Variants in PPP1R14C observed in about 807,000 individuals in gnomAD.
PPP1R14C encodes the protein protein phosphatase 1 regulatory inhibitor subunit 14C.
A neutral mutation model predicts 20.4 loss-of-function variants in PPP1R14C; 16 were observed. The ratio of observed to expected loss-of-function variants is 0.78; its 90% CI spans 0.53 to 1.19. The LOEUF (loss-of-function observed/expected upper bound fraction) is 1.19. PPP1R14C is among the 50% of genes most tolerant of loss of function. PPP1R14C has a pLI of 0.00. For synonymous variants in PPP1R14C, 91 were observed against 91.0 expected, an observed-to-expected ratio of 1.00 and a Z score of 0.00; for missense variants, 211 against 220.1, an observed-to-expected ratio of 0.96 and a Z score of 0.26.
chr6:150,166,571 C>T (rs1348981670), intron 1 of PPP1R14C, among the ~76,000 whole-genome samples: 2 of 152,190 alleles, frequency 1.3e-5, no homozygotes, highest in Non-Finnish European at 2.9e-5. Flanking sequence ...GGGCCAGCTC[C>T]AGGCGGTAGC....
chr6:150,220,356 C>T (rs921827649), intron 3 of PPP1R14C, among the ~76,000 whole-genome samples: 1 of 152,160 alleles, frequency 6.6e-6, no homozygotes, highest in Non-Finnish European at 1.5e-5. Context: ...TTTAGGCTTT[C>T]TGGAAGCAGA....
chr6:150,143,644 T>TC lies in PPP1R14C; in HGVS notation c.306+151dup, dbSNP rs981310452. The TC allele has an allele frequency of 1.6e-6, 1 of 627,406 alleles. No individual in the cohort carries two copies. Among genetic ancestry groups the TC allele is most frequent in the African/African-American group, 2.0e-5 (1 of 50,894 alleles). The allele number at this position is 627,406 out of a possible 1,614,324, so 38.9% of individuals were successfully genotyped here. Reference sequence around the variant, plus strand: ...CAGGAGCGAGGCGCGGCGCCTTCTCTCCCCCGCGGTGCCCTCTGGCGTCGG... The same window carrying TC: ...CAGGAGCGAGGCGCGGCGCCTTCTCTCCCCCCGCGGTGCCCTCTGGCGTCGG... On this transcript the variant is annotated intron_variant, in intron 1 of 3. Transcript: ENST00000361131. The surrounding 1 kb of genome is among the most constrained non-coding windows in gnomAD (Gnocchi z 5.6).
chr6:150,166,782 T>G (rs914183954), intron 1 of PPP1R14C, among the ~76,000 whole-genome samples: 3 of 152,218 alleles, frequency 2.0e-5, no homozygotes, highest in African/African-American at 7.2e-5. Flanking sequence ...GTGATGGGAC[T>G]GTGATTCTCG....
chr6:150,222,282 A>G (rs1418548871), intron 3 of PPP1R14C, among the ~76,000 whole-genome samples: 1 of 149,266 alleles, frequency 6.7e-6, no homozygotes, highest in Non-Finnish European at 1.5e-5. Context: ...AATTTTAAGT[A>G]GACTTTATTA....
chr6:150,213,346 A>ACACAC lies in PPP1R14C; in HGVS notation c.307-1398_307-1397insCACAC, dbSNP rs1562271283. Among the ~76,000 whole-genome samples, 1,092 of 149,404 alleles carry ACACAC rather than the reference A, an allele frequency of 7.3e-3. 10 individuals carry two copies. The highest frequency in any genetic ancestry group is 0.031 in the Middle Eastern group (9 of 288). ...ACTGGGGTCCTCACTTTTGTGTTGTAACACACACACACACACACACACACA... is the reference window on the plus strand; with the variant it reads ...ACTGGGGTCCTCACTTTTGTGTTGTACACACACACACACACACACACACACACACA... On this transcript the variant is annotated intron_variant, in intron 1 of 3. Transcript: ENST00000361131.
intron 1 of PPP1R14C, among the ~76,000 whole-genome samples, chr6:150,179,467 C>T (rs1777597552): frequency 6.6e-6 from 1 of 151,562 alleles, no homozygotes; most frequent in Non-Finnish European, 1.5e-5. Flanking sequence ...AAGACTTTAT[C>T]TATATAGCGA....
chr6:150,197,962 C>T (rs1301742726), intron 1 of PPP1R14C, among the ~76,000 whole-genome samples: 10 of 83,526 alleles, frequency 1.2e-4, no homozygotes, highest in Non-Finnish European at 1.7e-4. Flanking sequence ...TGCCCCTGCC[C>T]GTCACGGTGG....
At chr6:150,192,698 G>A (rs1472769967) in intron 1 of PPP1R14C, among the ~76,000 whole-genome samples, 1 of 152,216 alleles carries the variant, frequency 6.6e-6, no homozygotes, top group East Asian at 1.9e-4. Context: ...GGTTCTGGGG[G>A]TTGATAGGAC....
chr6:150,147,608 T>C (rs1470558551), intron 1 of PPP1R14C, among the ~76,000 whole-genome samples: 1 of 152,252 alleles, frequency 6.6e-6, no homozygotes, highest in Non-Finnish European at 1.5e-5. Flanking sequence ...ACATCTGTAC[T>C]TCCAGTTTTG....
chr6:150,215,662 A>T (rs1409249676), intron 2 of PPP1R14C, among the ~76,000 whole-genome samples: 3 of 152,206 alleles, frequency 2.0e-5, no homozygotes, highest in Non-Finnish European at 4.4e-5. Context: ...TTTAGCTGGG[A>T]GACAATAGCA....
Position 150,191,116 on chromosome 6 carries a change from C to T in PPP1R14C, c.307-23628C>T, listed in dbSNP as rs1365541951. Among the ~76,000 whole-genome samples, 4 of 152,170 alleles carry T rather than the reference C, an allele frequency of 2.6e-5. 1 individual carries two copies. The highest frequency in any genetic ancestry group is 2.6e-4 in the Admixed American group (4 of 15,282). ...CTCTGGGCTCTGCAGCTTACTGTTCCCTCTGTCTGGAACGTTCTTCTACAT... is the reference window on the plus strand; with the variant it reads ...CTCTGGGCTCTGCAGCTTACTGTTCTCTCTGTCTGGAACGTTCTTCTACAT... On this transcript the variant is annotated intron_variant, in intron 1 of 3. Coordinates refer to ENST00000361131, the MANE Select transcript of PPP1R14C (RefSeq NM_030949.3).
In PPP1R14C at chr6:150,224,992, C is replaced by T. The variant is rs187938613; in HGVS notation, c.423+8136C>T. 5.3e-5 allele frequency among the ~76,000 whole-genome samples: 8 copies of T among 151,864 alleles called. No individual in the cohort carries two copies. The East Asian group carries it at 1.2e-3, about 22-fold the overall frequency. Reference sequence around the variant, plus strand: ...GTGAACTTCACAAGTGCTTCTCGGTCGCCCCCATGCCCCTTTAGGTGGAAT... The same window carrying T: ...GTGAACTTCACAAGTGCTTCTCGGTTGCCCCCATGCCCCTTTAGGTGGAAT... On this transcript the variant is annotated intron_variant, in intron 3 of 3. Transcript: ENST00000361131.
chr6:150,240,178 A>T (rs936303217), intron 3 of PPP1R14C, among the ~76,000 whole-genome samples: 1 of 152,248 alleles, frequency 6.6e-6, no homozygotes, highest in African/African-American at 2.4e-5. Context: ...TAAGGAGAGA[A>T]GACACATTAC....
chr6:150,236,640 C>CTGTGTGTGTGTGTGTGTGTGTGTGTGT (rs1778364553), intron 3 of PPP1R14C, among the ~76,000 whole-genome samples: 1 of 110,102 alleles, frequency 9.1e-6, no homozygotes, highest in Non-Finnish European at 2.0e-5. Flanking sequence ...TGTGTGTGTG[C>CTGTGTGTGTGTGTGTGTGTGTGTGTGT]GCGTGTGTGT....
At chr6:150,194,007 T>G (rs1218297827) in intron 1 of PPP1R14C, among the ~76,000 whole-genome samples, 1 of 152,174 alleles carries the variant, frequency 6.6e-6, no homozygotes, top group Non-Finnish European at 1.5e-5. Flanking sequence ...GATACTGTTC[T>G]TATGGTAGTG....
intron 1 of PPP1R14C, among the ~76,000 whole-genome samples, chr6:150,150,832 C>A (rs1777237769): frequency 6.6e-6 from 1 of 152,088 alleles, no homozygotes; most frequent in South Asian, 2.1e-4. Flanking sequence ...AGCATATACA[C>A]AAGTTGAAGT....
rs1404463685 is a variant in PPP1R14C at position 150,174,155 on chromosome 6, A to G, written c.306+30657A>G. On this transcript the variant is annotated intron_variant, in intron 1 of 3. Coordinates refer to ENST00000361131, the MANE Select transcript of PPP1R14C (RefSeq NM_030949.3). The stretch of plus-strand genomic sequence containing the variant: ...AGCTAATTAGCATATTCATCACCTC[A>G]CATACTTACCATTTTCTAAATTGTG... Among the ~76,000 whole-genome samples, 4 of 145,388 alleles carry G rather than the reference A, an allele frequency of 2.8e-5. No homozygotes were observed. In the Admixed American group the frequency reaches 3.0e-4, roughly 11 times the overall value.
chr6:150,250,111 T>G lies in PPP1R14C; in HGVS notation c.*1291T>G, dbSNP rs1778546816. The G allele has an allele frequency of 6.6e-6, 1 of 152,560 alleles. No homozygotes were observed. Among genetic ancestry groups the G allele is most frequent in the African/African-American group, 2.4e-5 (1 of 41,432 alleles). 9.5% of individuals were successfully genotyped at this position (152,560 alleles called of 1,614,324 possible). ...ATAGGTGAGAGTAGAAACCCTTCCCTCCAGGAGGCCCCCGCTGACTCCCAC... is the reference window on the plus strand; with the variant it reads ...ATAGGTGAGAGTAGAAACCCTTCCCGCCAGGAGGCCCCCGCTGACTCCCAC... On this transcript the variant is annotated 3_prime_UTR_variant, in exon 4 of 4. Coordinates refer to ENST00000361131, the MANE Select transcript of PPP1R14C (RefSeq NM_030949.3).
At chr6:150,191,449 G>A (rs1039684670) in intron 1 of PPP1R14C, among the ~76,000 whole-genome samples, 1 of 152,196 alleles carries the variant, frequency 6.6e-6, no homozygotes, top group Admixed American at 6.5e-5. Context: ...CTGACTGTGT[G>A]CAAAGAACAG....
Sources: gnomAD v4.1 joint callset for allele counts (sites outside exome capture counted in the v4.1 genomes callset) on GRCh38, gnomAD v4.1.1 for gene constraint, Gnocchi (gnomAD v3.1) non-coding constraint, MANE v1.5 for transcripts, NCBI Gene and HGNC (gene_info 2026-07-23, HGNC 2026-07-21) for gene names.